The following RYR2 variants were observed in gnomAD, a reference collection of about 807,000 sequenced individuals.
RYR2 encodes ryanodine receptor 2, also known as cardiac muscle ryanodine receptor-calcium release channel.
Under a neutral mutation model 601.1 loss-of-function variants are expected in RYR2, and 227 were observed. The ratio of observed to expected loss-of-function variants is 0.38; its 90% confidence interval spans 0.34 to 0.42. The LOEUF is 0.42. RYR2 is among the 10% of genes least tolerant of loss of function. RYR2 has a pLI of 1.00. For missense variants in RYR2, 4,646 were observed against 6,156.5 expected (o/e 0.75, Z 8.21); for synonymous variants, 2,223 against 2,175.1 (o/e 1.02, Z -0.61).
chr1:237,405,661 T>C (rs948713239), intron 10 of RYR2, among the ~76,000 whole-genome samples: 5 of 152,116 alleles, frequency 3.3e-5, no homozygotes, highest in African/African-American at 1.2e-4. Context: ...ACTTTTCTTT[T>C]ACCTTTTATG....
chr1:237,817,215 G>A, intron 100 of RYR2, among the ~76,000 whole-genome samples: 1 of 152,192 alleles, frequency 6.6e-6, no homozygotes, highest in East Asian at 1.9e-4. Context: ...ATTTAATTCT[G>A]TTCCCTAAAT....
chr1:237,213,912 T>C (rs551027051), intron 1 of RYR2, among the ~76,000 whole-genome samples: 252 of 145,774 alleles, frequency 1.7e-3, no homozygotes, highest in African/African-American at 6.1e-3. Context: ...TTTTTTTCTT[T>C]TTCTTTTTTT....
In RYR2 at chr1:237,207,832, C is replaced by T. The variant is rs183602566; in HGVS notation, c.49-62665C>T. 6.0e-4 allele frequency among the ~76,000 whole-genome samples: 91 copies of T among 152,324 alleles called. No individual in the cohort carries two copies. In the Middle Eastern group the frequency reaches 0.017, roughly 28 times the overall value. Reference sequence around the variant, plus strand: ...AACAATAGTATTAGGTTGGTGCAAACGTAACTGTGGTTTTTGCAATTACTT... The same window carrying T: ...AACAATAGTATTAGGTTGGTGCAAATGTAACTGTGGTTTTTGCAATTACTT... On this transcript the variant is annotated intron_variant, in intron 1 of 104. Transcript: ENST00000366574.
At chr1:237,642,908 T>G (rs1221734142) in intron 47 of RYR2, among the ~76,000 whole-genome samples, 1 of 152,222 alleles carries the variant, frequency 6.6e-6, no homozygotes, top group Non-Finnish European at 1.5e-5. Context: ...AAGAAGCTAA[T>G]TTGGTCATAA....
At chr1:237,196,017 G>A (rs1680521669) in intron 1 of RYR2, among the ~76,000 whole-genome samples, 2 of 152,210 alleles carry the variant, frequency 1.3e-5, no homozygotes, top group South Asian at 4.1e-4. Context: ...GGGTATTGAA[G>A]AGTTCCTGAA....
chr1:237,552,061 G>C (rs943265259), intron 27 of RYR2, among the ~76,000 whole-genome samples: 1 of 152,084 alleles, frequency 6.6e-6, no homozygotes, highest in South Asian at 2.1e-4. Flanking sequence ...ATTAAATGAC[G>C]TATCTACTTG....
Position 237,374,739 on chromosome 1 carries a change from C to T in RYR2, c.407C>T (p.Ser136Phe), listed in dbSNP as rs1488215932. The change falls in exon 7 of 105, where the codon TCC becomes TTC. Residue 136 changes from serine (S) to phenylalanine (F), a missense_variant. This residue lies in a region of RYR2 where 153 missense variants were observed against 203.6 expected (regional missense o/e 0.75). Coordinates refer to ENST00000366574, the MANE Select transcript of RYR2 (RefSeq NM_001035.3). ...SGMYLCCLST[S>F]RSSTDKLAFD... Reference sequence around the variant, plus strand: ...TAGTATCTGTGCTGCCTGTCCACCTCCCGGTCTTCAACTGATAAGCTGGCT... The same window carrying T: ...TAGTATCTGTGCTGCCTGTCCACCTTCCGGTCTTCAACTGATAAGCTGGCT... 1 of 1,612,892 alleles carries T rather than the reference C, an allele frequency of 6.2e-7. No homozygotes were observed. The highest frequency in any genetic ancestry group is 8.5e-7 in the Non-Finnish European group (1 of 1,179,498).
intron 1 of RYR2, among the ~76,000 whole-genome samples, chr1:237,137,016 CAAAAAAAAAA>C (rs1167110660): frequency 2.4e-5 from 1 of 41,192 alleles, no homozygotes; most frequent in Non-Finnish European, 5.5e-5. Flanking sequence ...GACTCCATCT[CAAAAAAAAAA>C]AAAAAAAAAA....
chr1:237,468,993 T>C (rs1437429662), intron 16 of RYR2, 99 bp from the exon 17 acceptor site: 24 of 905,148 alleles, frequency 2.7e-5, no homozygotes, highest in Non-Finnish European at 4.3e-5. Flanking sequence ...ACAGAGGATA[T>C]TTTGTTCTTG....
intron 1 of RYR2, among the ~76,000 whole-genome samples, chr1:237,098,596 C>T (rs960943770): frequency 2.6e-5 from 4 of 152,054 alleles, no homozygotes; most frequent in African/African-American, 7.2e-5. Context: ...AATATTCAGC[C>T]TTAAAAAGAA....
At chr1:237,173,548 A>G (rs949689351) in intron 1 of RYR2, among the ~76,000 whole-genome samples, 1 of 152,208 alleles carries the variant, frequency 6.6e-6, no homozygotes. Context: ...CACTCTGACA[A>G]TAAACTGAGG....
rs1387487051 is a variant in RYR2, at chr1:237,523,536, ACCAG to A, written c.2823-6888_2823-6885del. Among the ~76,000 whole-genome samples the A allele has an allele frequency of 4.6e-5, 7 of 152,256 alleles. No homozygotes were observed. In the South Asian group the frequency reaches 1.5e-3, roughly 32 times the overall value. ...GCTCACTTGAGGTCTGAAGTTAGAA[ACCAG>A]CCTGGCCAACATGGTGAAACTCCAT... On this transcript the variant is annotated intron_variant, in intron 24 of 104. Coordinates refer to ENST00000366574, the MANE Select transcript of RYR2 (RefSeq NM_001035.3).
intron 27 of RYR2, among the ~76,000 whole-genome samples, chr1:237,559,229 T>A (rs1321352603): frequency 6.6e-6 from 1 of 152,094 alleles, no homozygotes; most frequent in African/African-American, 2.4e-5. Flanking sequence ...TTTATTTGAT[T>A]AAAATGTCCA....
intron 2 of RYR2, among the ~76,000 whole-genome samples, chr1:237,319,167 C>T (rs1455547316): frequency 6.6e-6 from 1 of 151,934 alleles, no homozygotes. Flanking sequence ...TTTTTGCATC[C>T]TTTTTGATAA....
intron 1 of RYR2, among the ~76,000 whole-genome samples, chr1:237,173,905 A>C (rs2148917935): frequency 6.6e-6 from 1 of 152,118 alleles, no homozygotes; most frequent in South Asian, 2.1e-4. Context: ...AAATACGAAA[A>C]AATTAGCCTG....
At chr1:237,579,221 C>T (rs12691537) in intron 29 of RYR2, among the ~76,000 whole-genome samples, 44,483 of 149,370 alleles carry the variant, frequency 0.3, 7,145 homozygotes, top group East Asian at 0.61. Flanking sequence ...TTCCTTGCCA[C>T]GTGAGGATAA....
At chr1:237,623,738 CCT>C in intron 38 of RYR2, 25 bp from the exon 39 acceptor site, 2 of 1,438,728 alleles carry the variant, frequency 1.4e-6, no homozygotes, top group Non-Finnish European at 2.0e-6. Flanking sequence ...CCTCCTTCTT[CCT>C]CTTTCTTGTT....
intron 101 of RYR2, among the ~76,000 whole-genome samples, chr1:237,825,197 G>A (rs751936592): frequency 2.4e-4 from 36 of 152,076 alleles, no homozygotes; most frequent in Admixed American, 1.3e-4. Context: ...AAAAGAGCCC[G>A]CATAGCCCAG....
Position 237,277,568 on chromosome 1 carries a change from A to G in RYR2, c.168+6952A>G, listed in dbSNP as rs540184175. 9.2e-5 allele frequency among the ~76,000 whole-genome samples: 14 copies of G among 152,342 alleles called. No homozygotes were observed. The South Asian group carries it at 2.3e-3, about 25-fold the overall frequency. ...AGCAGGTTATAAAATCAATGGCCAC[A>G]TAACCTGGCAACATAGCGAGACCCT... On this transcript the variant is annotated intron_variant, in intron 2 of 104. Coordinates refer to ENST00000366574, the MANE Select transcript of RYR2 (RefSeq NM_001035.3).
Sources: gnomAD v4.1 joint callset for allele counts (sites outside exome capture counted in the v4.1 genomes callset) on GRCh38, gnomAD v4.1.1 for gene constraint, gnomAD v4.1.1 regional missense constraint, MANE v1.5 for transcripts, NCBI Gene and HGNC (gene_info 2026-07-23, HGNC 2026-07-21) for gene names.